The following SUGCT variants were observed in gnomAD, a reference collection of about 807,000 sequenced individuals.
SUGCT encodes succinyl-CoA:glutarate CoA-transferase.
A neutral mutation model predicts 55.0 loss-of-function variants in SUGCT; 41 were observed. The ratio of observed to expected loss-of-function variants is 0.74; its 90% confidence interval spans 0.58 to 0.97. The LOEUF (loss-of-function observed/expected upper bound fraction) is 0.97. Ranked by LOEUF, SUGCT falls within the 50% of genes least tolerant of loss-of-function variation. The pLI, the probability that SUGCT is intolerant of heterozygous loss-of-function variation, is 0.00. For synonymous variants in SUGCT, 187 were observed against 200.4 expected (o/e 0.93, Z 0.56); for missense variants, 568 against 547.8 (o/e 1.04, Z -0.37).
intron 12 of SUGCT, among the ~76,000 whole-genome samples, chr7:40,744,231 G>C (rs1787618281): frequency 1.3e-5 from 2 of 152,038 alleles, no homozygotes; most frequent in African/African-American, 2.4e-5. Flanking sequence ...CCTGGCCACT[G>C]ATGAGGGTTT....
rs1784610500 is a variant in SUGCT, at chr7:40,377,183, T to TC, written c.816+60328_816+60329insC. Among the ~76,000 whole-genome samples the TC allele has an allele frequency of 1.8e-4, 3 of 16,242 alleles. 1 individual carries two copies. The East Asian group carries it at 3.4e-3, about 19-fold the overall frequency. The allele number at this position is 16,242 out of a possible 152,430, so 10.7% of individuals were successfully genotyped here. A position where few individuals can be genotyped will look rare whatever the true frequency, so the allele number is the denominator to read the frequency against. ...CTTTCTTTCTTTCTTTCTTTCTTTC[T>TC]TTCTTTCTTTCTTTCTTTTCTTTTC... On this transcript the variant is annotated intron_variant, in intron 9 of 13. Transcript: ENST00000335693.
chr7:40,506,581 T>C (rs1792610795), intron 12 of SUGCT, among the ~76,000 whole-genome samples: 1 of 152,224 alleles, frequency 6.6e-6, no homozygotes, highest in African/African-American at 2.4e-5. Context: ...TGGATGTTTT[T>C]CATAAAATCT....
At chr7:40,812,239 G>A (rs1204899837) in intron 13 of SUGCT, among the ~76,000 whole-genome samples, 3 of 152,178 alleles carry the variant, frequency 2.0e-5, no homozygotes, top group East Asian at 1.9e-4. Context: ...GGTGATGTTA[G>A]ATTCATAGAA....
At chr7:41,014,287 G>C in the SUGCT span, among the ~76,000 whole-genome samples, 2 of 152,086 alleles carry the variant, frequency 1.3e-5, no homozygotes. Flanking sequence ...GTGGTGAATG[G>C]ACTGATTCAG....
At chr7:40,926,028 G>A in the SUGCT span, among the ~76,000 whole-genome samples, 4 of 151,912 alleles carry the variant, frequency 2.6e-5, no homozygotes, top group African/African-American at 9.7e-5. Flanking sequence ...AGGAGTTTGA[G>A]GTTGCAGTGA....
intron 6 of SUGCT, among the ~76,000 whole-genome samples, chr7:40,196,689 C>T (rs990722873): frequency 1.1e-4 from 17 of 152,070 alleles, no homozygotes; most frequent in African/African-American, 3.6e-4. Flanking sequence ...CCACCACACC[C>T]GGGTAATTTT....
chr7:40,858,008 T>G (rs1794274627), intron 13 of SUGCT, among the ~76,000 whole-genome samples: 1 of 152,198 alleles, frequency 6.6e-6, no homozygotes, highest in African/African-American at 2.4e-5. Context: ...GCAAGTTATT[T>G]TAATTTCCTA....
At chr7:40,560,066 T>G (rs1008857191) in intron 12 of SUGCT, among the ~76,000 whole-genome samples, 1 of 152,214 alleles carries the variant, frequency 6.6e-6, no homozygotes, top group Non-Finnish European at 1.5e-5. Flanking sequence ...TTATCCTATT[T>G]AAAATATCTT....
chr7:40,774,265 A>G (rs1789338211), intron 13 of SUGCT, among the ~76,000 whole-genome samples: 1 of 152,210 alleles, frequency 6.6e-6, no homozygotes, highest in Non-Finnish European at 1.5e-5. Context: ...AATGTATCTC[A>G]TGAAAGCCCA....
At chr7:40,466,562 T>C (rs1016963681) in intron 11 of SUGCT, among the ~76,000 whole-genome samples, 1 of 152,244 alleles carries the variant, frequency 6.6e-6, no homozygotes, top group Admixed American at 6.5e-5. Flanking sequence ...GAATTTCTTA[T>C]GGCAGAGAAT....
the SUGCT span, among the ~76,000 whole-genome samples, chr7:41,029,666 C>A: frequency 0.023 from 3,573 of 152,212 alleles, 119 homozygotes; most frequent in African/African-American, 0.08. Context: ...TCCCATATAC[C>A]TTCCCCGTCC....
At chr7:40,618,576 C>T (rs1020890990) in intron 12 of SUGCT, among the ~76,000 whole-genome samples, 2 of 152,136 alleles carry the variant, frequency 1.3e-5, no homozygotes, top group Non-Finnish European at 2.9e-5. Flanking sequence ...TTTCCCTCTT[C>T]GAAGATCCTT....
At chr7:40,898,482 G>GGGGA in the SUGCT span, among the ~76,000 whole-genome samples, 5 of 107,110 alleles carry the variant, frequency 4.7e-5, no homozygotes, top group Non-Finnish European at 8.2e-5. Flanking sequence ...CGGGAGGTCG[G>GGGGA]GGGGGGGGGG....
At chr7:40,511,615 C>CT (rs1467518686) in intron 12 of SUGCT, among the ~76,000 whole-genome samples, 1 of 152,122 alleles carries the variant, frequency 6.6e-6, no homozygotes, top group Non-Finnish European at 1.5e-5. Context: ...CACTTTACAA[C>CT]TTTTTTGCAA....
chr7:40,652,543 G>T (rs1485914670), intron 12 of SUGCT, among the ~76,000 whole-genome samples: 1 of 152,162 alleles, frequency 6.6e-6, no homozygotes, highest in Non-Finnish European at 1.5e-5. Context: ...AAAATAGAAT[G>T]GTATAGAGAC....
chr7:40,999,560 C>T, the SUGCT span, among the ~76,000 whole-genome samples: 1 of 152,130 alleles, frequency 6.6e-6, no homozygotes, highest in Non-Finnish European at 1.5e-5. Flanking sequence ...ACTTATAACA[C>T]TATACAAGTG....
chr7:40,631,589 T>C lies in SUGCT; in HGVS notation c.1090-117845T>C, dbSNP rs558099489. Among the ~76,000 whole-genome samples the C allele has an allele frequency of 1.6e-3, 243 of 152,332 alleles. 1 individual carries two copies. Among genetic ancestry groups the C allele is most frequent in the African/African-American group, 5.7e-3 (235 of 41,578 alleles). ...ACCATAGAGGGGAAGAAGTGATCCA[T>C]GTTTAGACCTTACTTTTTGAAATCA... On this transcript the variant is annotated intron_variant, in intron 12 of 13. Coordinates refer to ENST00000335693, the MANE Select transcript of SUGCT (RefSeq NM_001193313.2).
chr7:40,772,496 ATC>A (rs1236278012), intron 13 of SUGCT, among the ~76,000 whole-genome samples: 4 of 7,568 alleles, frequency 5.3e-4, no homozygotes, highest in Non-Finnish European at 9.5e-4. Context: ...CTTTTGAAAT[ATC>A]TATCTATCTA....
intron 13 of SUGCT, among the ~76,000 whole-genome samples, chr7:40,849,892 T>C (rs1033393329): frequency 4.6e-5 from 7 of 151,786 alleles, no homozygotes; most frequent in African/African-American, 1.7e-4. Flanking sequence ...TGGAGGGAGG[T>C]ATTGCAGAGC....
Sources: gnomAD v4.1 joint callset for allele counts (sites outside exome capture counted in the v4.1 genomes callset) on GRCh38, gnomAD v4.1.1 for gene constraint, MANE v1.5 for transcripts, NCBI Gene and HGNC (gene_info 2026-07-23, HGNC 2026-07-21) for gene names.